Variants in OR10J1 observed in about 807,000 individuals in gnomAD.
The protein encoded by OR10J1 is olfactory receptor 10J1.
For missense variants in OR10J1, 474 were observed against 376.6 expected (o/e 1.26, Z -2.14); for synonymous variants, 202 against 143.8 (o/e 1.40, Z -2.89).
the OR10J1 span, among the ~76,000 whole-genome samples, chr1:159,399,997 A>G: frequency 8.8e-4 from 134 of 152,218 alleles, no homozygotes; most frequent in African/African-American, 3.2e-3. Context: ...AGCCTCATGT[A>G]ACCTCAAACC....
chr1:159,402,343 C>G, the OR10J1 span, among the ~76,000 whole-genome samples: 322 of 152,092 alleles, frequency 2.1e-3, 1 homozygote, highest in African/African-American at 7.5e-3. Context: ...ATGCTATGAT[C>G]TTATATTTGG....
the OR10J1 span, among the ~76,000 whole-genome samples, chr1:159,422,831 G>C: frequency 6.6e-6 from 1 of 151,988 alleles, no homozygotes; most frequent in Non-Finnish European, 1.5e-5. Context: ...AGGACCACTG[G>C]GGGGCTTTTC....
At chr1:159,431,893 A>G in the OR10J1 span, among the ~76,000 whole-genome samples, 2 of 152,162 alleles carry the variant, frequency 1.3e-5, no homozygotes, top group Non-Finnish European at 2.9e-5. Flanking sequence ...TTAACACGAT[A>G]TTTTCAACAT....
At chr1:159,432,291 G>C in the OR10J1 span, 1 of 401,100 alleles carries the variant, frequency 2.5e-6, no homozygotes, top group Non-Finnish European at 4.4e-6. Context: ...CATCCTCTTT[G>C]TGATCTTTTT....
At chr1:159,411,214 T>G in the OR10J1 span, among the ~76,000 whole-genome samples, 2 of 152,110 alleles carry the variant, frequency 1.3e-5, no homozygotes, top group African/African-American at 4.8e-5. Flanking sequence ...TCTATTAGGT[T>G]CACTTGGTGC....
chr1:159,427,094 T>A, the OR10J1 span, among the ~76,000 whole-genome samples: 1 of 151,842 alleles, frequency 6.6e-6, no homozygotes. Flanking sequence ...AACATAAGCA[T>A]TTAAATAAAC....
the OR10J1 span, among the ~76,000 whole-genome samples, chr1:159,412,731 A>G: frequency 1.3e-5 from 2 of 151,980 alleles, no homozygotes; most frequent in Non-Finnish European, 2.9e-5. Flanking sequence ...AACCATAAAA[A>G]CCCTAGAAGA....
Position 159,439,734 on chromosome 1 carries a change from GC to G in OR10J1, c.-57del. 6.2e-7 allele frequency: 1 copy of G among 1,604,800 alleles called. No individual in the cohort carries two copies. The highest frequency in any genetic ancestry group is 8.5e-7 in the Non-Finnish European group (1 of 1,173,658). On this transcript the variant is annotated 5_prime_UTR_variant, in exon 1 of 1. Coordinates refer to ENST00000423932, the MANE Select transcript of OR10J1 (RefSeq NM_012351.3). The stretch of plus-strand genomic sequence containing the variant: ...TCAATTTCAGAAATGTGCTTCTACT[GC>G]TTTACTGGGACTATGTGACTTTTAT...
the OR10J1 span, among the ~76,000 whole-genome samples, chr1:159,424,279 G>A: frequency 6.6e-6 from 1 of 150,468 alleles, no homozygotes; most frequent in Non-Finnish European, 1.5e-5. Context: ...GAAAAAAATA[G>A]AGATAATGCA....
rs1186921006 is a variant in OR10J1 at position 159,440,180 on chromosome 1, T to C, written c.389T>C (p.Leu130Pro). 6 of 1,609,722 alleles carry C rather than the reference T, an allele frequency of 3.7e-6. No homozygotes were observed. Among genetic ancestry groups the C allele is most frequent in the Admixed American group, 1.7e-5 (1 of 60,018 alleles). The change falls in exon 1 of 1, where the codon CTG becomes CCG. Residue 130 changes from leucine to proline, a missense_variant. Transcript: ENST00000423932. ...YDRYVAICNP[L>P]RYMVIMNKRL... Reference sequence around the variant, plus strand: ...CGCTATGTGGCCATCTGCAACCCCCTGAGATACATGGTTATTATGAACAAG... The same window carrying C: ...CGCTATGTGGCCATCTGCAACCCCCCGAGATACATGGTTATTATGAACAAG...
the OR10J1 span, among the ~76,000 whole-genome samples, chr1:159,427,045 G>T: frequency 6.6e-6 from 1 of 151,826 alleles, no homozygotes; most frequent in African/African-American, 2.4e-5. Context: ...GGCAGAGAGA[G>T]ACAAGTGCTC....
At chr1:159,439,575 A>G (rs1655842212), upstream of OR10J1, 1 of 623,066 alleles carries the variant, frequency 1.6e-6, no homozygotes. Context: ...ATATGATTCT[A>G]TGATGCATGG....
At chr1:159,417,040 A>AT in the OR10J1 span, among the ~76,000 whole-genome samples, 148 of 151,356 alleles carry the variant, frequency 9.8e-4, 2 homozygotes, top group African/African-American at 2.3e-3. Context: ...CATTTCATTG[A>AT]TTTTTTGTTT....
At chr1:159,430,875 C>A in the OR10J1 span, among the ~76,000 whole-genome samples, 1 of 152,150 alleles carries the variant, frequency 6.6e-6, no homozygotes, top group African/African-American at 2.4e-5. Context: ...CATTATTATT[C>A]TATTTTGTAG....
At chr1:159,419,649 C>A in the OR10J1 span, among the ~76,000 whole-genome samples, 1 of 152,120 alleles carries the variant, frequency 6.6e-6, no homozygotes, top group African/African-American at 2.4e-5. Flanking sequence ...TTCCAAAGTT[C>A]CTCTTGATTT....
chr1:159,432,429 G>A, the OR10J1 span: 82 of 405,488 alleles, frequency 2.0e-4, no homozygotes, highest in Admixed American at 1.3e-3. Flanking sequence ...CTATTATACC[G>A]TGGCCATCAA....
chr1:159,427,132 A>C, the OR10J1 span, among the ~76,000 whole-genome samples: 1 of 151,840 alleles, frequency 6.6e-6, no homozygotes, highest in African/African-American at 2.4e-5. Context: ...ACAAAAATAA[A>C]ATTTTAAAAT....
At chr1:159,430,261 T>G in the OR10J1 span, among the ~76,000 whole-genome samples, 2 of 151,816 alleles carry the variant, frequency 1.3e-5, no homozygotes, top group Non-Finnish European at 2.9e-5. Context: ...TTATCCAGCA[T>G]ATTCTCATTG....
the OR10J1 span, among the ~76,000 whole-genome samples, chr1:159,428,267 T>A: frequency 3.9e-5 from 6 of 152,142 alleles, no homozygotes; most frequent in Non-Finnish European, 7.4e-5. Context: ...TAGTCGTCAA[T>A]ACATTTTTCT....
Sources: allele counts gnomAD v4.1 joint callset (sites outside exome capture counted in the v4.1 genomes callset), GRCh38; gene constraint gnomAD v4.1.1; transcripts MANE v1.5; gene names NCBI Gene and HGNC (gene_info 2026-07-23, HGNC 2026-07-21).